The following SMTN variants were observed in gnomAD, a reference collection of about 807,000 sequenced individuals.
SMTN encodes smoothelin.
In SMTN, 58 loss-of-function variants were observed where a neutral mutation model predicts 102.0. The ratio of observed to expected loss-of-function variants is 0.57; its 90% confidence interval spans 0.46 to 0.71. The LOEUF (loss-of-function observed/expected upper bound fraction) is 0.71, where lower values mean the gene tolerates loss of function less well. Ranked by LOEUF, SMTN falls within the 30% of genes least tolerant of loss-of-function variation. SMTN has a pLI of 0.00. For missense variants in SMTN, 1,185 were observed against 1,241.7 expected (o/e 0.95, Z 0.69); for synonymous variants, 478 against 497.9 (o/e 0.96, Z 0.53).
At chr22:31,099,040 G>A (rs756576845) in intron 17 of SMTN, 22 bp from the exon 18 acceptor site, 27 of 1,603,806 alleles carry the variant, frequency 1.7e-5, no homozygotes, top group Non-Finnish European at 2.0e-5. Flanking sequence ...CGTGTGACCT[G>A]GTCCTGACAC....
At chr22:31,092,581 G>C in intron 11 of SMTN, 1 of 469,922 alleles carries the variant, frequency 2.1e-6, no homozygotes, top group Non-Finnish European at 4.4e-6. Context: ...TGGCTGAGGT[G>C]AGATGGCTAG....
chr22:31,095,260 C>T lies in SMTN; in HGVS notation c.1633-43C>T, dbSNP rs1248066309. The T allele has an allele frequency of 6.2e-7, 1 of 1,602,734 alleles. No homozygotes were observed. Among genetic ancestry groups the T allele is most frequent in the Non-Finnish European group, 8.5e-7 (1 of 1,173,172 alleles). ...CCATTGGAGACATGATGAGTTTCAC[C>T]CATACCCCTGCTTAAAGTCCATGCC... On this transcript the variant is annotated intron_variant, in intron 11 of 20. Transcript: ENST00000333137. The surrounding 1 kb of genome is among the most constrained non-coding windows in gnomAD (Gnocchi z 4.1).
rs763678555 is a variant in SMTN at position 31,093,509 on chromosome 22, G to A, written c.1632+1662G>A. The A allele has an allele frequency of 6.4e-5, 43 of 671,056 alleles. 1 individual carries two copies. Among genetic ancestry groups the A allele is most frequent in the Middle Eastern group, 3.7e-4 (1 of 2,732 alleles). 41.6% of individuals were successfully genotyped at this position (671,056 alleles called of 1,614,324 possible). ...GCAGCCCTTGAGGAGCAGTTGGGCC[G>A]GGCACTGGAGGAGCTGCGGGCGGTG... On this transcript the variant is annotated intron_variant, in intron 11 of 20. Transcript: ENST00000333137.
intron 1 of SMTN, among the ~76,000 whole-genome samples, chr22:31,069,834 C>A (rs1258545093): frequency 2.6e-5 from 4 of 152,194 alleles, no homozygotes; most frequent in Non-Finnish European, 5.9e-5. Context: ...GACTTGCTCT[C>A]CTATAATTGC....
Position 31,091,098 on chromosome 22 carries a change from C to T in SMTN, c.1075C>T (p.Leu359=), listed in dbSNP as rs751060252. Residue 359 remains leucine (L), a synonymous_variant, in exon 10 of 21, where the codon CTG becomes TTG. Coordinates refer to ENST00000333137, the MANE Select transcript of SMTN (RefSeq NM_134269.3). The stretch of plus-strand genomic sequence containing the variant: ...CACACCCCAGGCTGCCCTAAGTCCC[C>T]TGACCCCCGCAAGGCTCCTGGGCCC... ...DGTPQAALSP[L]TPARLLGPSL... 5.0e-6 allele frequency: 8 copies of T among 1,613,932 alleles called. No homozygotes were observed. The highest frequency in any genetic ancestry group is 5.9e-6 in the Non-Finnish European group (7 of 1,179,976).
rs760236889 is a variant in SMTN at position 31,083,306 on chromosome 22, G to A, written c.48G>A (p.Lys16=). 6 of 1,566,196 alleles carry A rather than the reference G, an allele frequency of 3.8e-6. No individual in the cohort carries two copies. The South Asian group carries it at 7.1e-5, about 19-fold the overall frequency. Residue 16 remains lysine, a synonymous_variant, in exon 2 of 21, where the codon AAG becomes AAA. Coordinates refer to ENST00000333137, the MANE Select transcript of SMTN (RefSeq NM_134269.3). ...LAGLDEGALR[K]LLEVTADLAE... is the part of the protein sequence containing the mutation. The stretch of plus-strand genomic sequence containing the variant: ...GGCTGGATGAGGGAGCCCTTCGGAA[G>A]CTGGTAAGTGGCCCCATCACCCACT...
In SMTN at chr22:31,101,060, C is replaced by A; in HGVS notation, c.*20+11C>A. The A allele has an allele frequency of 1.9e-6, 3 of 1,583,406 alleles. No homozygotes were observed. In the South Asian group the frequency reaches 3.4e-5, roughly 18 times the overall value. On this transcript the variant is annotated intron_variant, in intron 20 of 20. Coordinates refer to ENST00000333137, the MANE Select transcript of SMTN (RefSeq NM_134269.3). The stretch of plus-strand genomic sequence containing the variant: ...GCTCGGGGCCCCACGGTGAGAAACG[C>A]CGCCTCTACCACCTGCCCCGTTTCA...
At chr22:31,069,241 C>G (rs1368570822) in intron 1 of SMTN, among the ~76,000 whole-genome samples, 2 of 152,070 alleles carry the variant, frequency 1.3e-5, no homozygotes, top group African/African-American at 4.8e-5. Context: ...CTAGGGCGCT[C>G]TCTTCCAGGA....
At chr22:31,081,641 C>T (rs1213208404) in intron 1 of SMTN, among the ~76,000 whole-genome samples, 185 bp downstream of exon 1, 2 of 152,228 alleles carry the variant, frequency 1.3e-5, no homozygotes, top group Non-Finnish European at 2.9e-5. Context: ...TCCTAAGAGA[C>T]TCCACGCCCC....
chr22:31,095,694 C>A lies in SMTN; in HGVS notation c.1861+85C>A. 2 of 1,238,674 alleles carry A rather than the reference C, an allele frequency of 1.6e-6. No homozygotes were observed. Among genetic ancestry groups the A allele is most frequent in the Non-Finnish European group, 2.3e-6 (2 of 877,452 alleles). 76.7% of individuals were successfully genotyped at this position (1,238,674 alleles called of 1,614,324 possible). ...ATACTCTGGGGTCCATTTGTGGACA[C>A]CCCAGCTTAATAACTGCCCTACCCA... On this transcript the variant is annotated intron_variant, in intron 13 of 20. Transcript: ENST00000333137. This position sits in a 1 kb window ranked among gnomAD's most constrained non-coding sequence, Gnocchi z 4.1.
At chr22:31,086,439 C>T (rs1010534994) in intron 2 of SMTN, among the ~76,000 whole-genome samples, 1 of 152,154 alleles carries the variant, frequency 6.6e-6, no homozygotes, top group African/African-American at 2.4e-5. Flanking sequence ...GTAGGGGGCT[C>T]AGCACAGGGT....
In SMTN at chr22:31,095,832, G is replaced by T; in HGVS notation, c.1861+223G>T. The T allele has an allele frequency of 1.7e-6, 1 of 584,766 alleles. No individual in the cohort carries two copies. The highest frequency in any genetic ancestry group is 2.9e-5 in the East Asian group (1 of 34,716). The allele number at this position is 584,766 out of a possible 1,614,324, so 36.2% of individuals were successfully genotyped here. A position where few individuals can be genotyped will look rare whatever the true frequency, so the allele number is the denominator to read the frequency against. On this transcript the variant is annotated intron_variant, in intron 13 of 20. Coordinates refer to ENST00000333137, the MANE Select transcript of SMTN (RefSeq NM_134269.3). This position sits in a 1 kb window ranked among gnomAD's most constrained non-coding sequence, Gnocchi z 4.1. ...TGACCCCAGTTATTCTCCCCAACCAGCTTCTCTTCTCCTTCCTAGACCCAG... is the reference window on the plus strand; with the variant it reads ...TGACCCCAGTTATTCTCCCCAACCATCTTCTCTTCTCCTTCCTAGACCCAG...
At chr22:31,096,700 CT>C in intron 13 of SMTN, 32 bp from the exon 14 acceptor site, 2 of 1,506,092 alleles carry the variant, frequency 1.3e-6, no homozygotes, top group Non-Finnish European at 1.8e-6. Context: ...GTTGGTGGCC[CT>C]TTTGCGCATG....
chr22:31,088,909 C>T lies in SMTN; in HGVS notation c.411C>T (p.Pro137=), dbSNP rs773627243. The stretch of plus-strand genomic sequence containing the variant: ...CTGGGAGGTTGTACAGCGGGCGTCC[C>T]AACAGTGGCTCAAGAGAGGACAGCA... ...TLAGRLYSGR[P]NSGSREDSKG... is the part of the protein sequence containing the mutation. Residue 137 remains proline, a synonymous_variant, in exon 6 of 21, where the codon CCC becomes CCT. Transcript: ENST00000333137. 18 of 1,613,946 alleles carry T rather than the reference C, an allele frequency of 1.1e-5. No individual in the cohort carries two copies. In the South Asian group the frequency reaches 2.0e-4, roughly 18 times the overall value.
Position 31,104,589 on chromosome 22 carries a change from C to G in SMTN, c.*294C>G. On this transcript the variant is annotated 3_prime_UTR_variant, in exon 21 of 21. Coordinates refer to ENST00000333137, the MANE Select transcript of SMTN (RefSeq NM_134269.3). The stretch of plus-strand genomic sequence containing the variant: ...TGCGACACCCTCCCCCCCACATACA[C>G]ACGCAGCGTTTTGATAAATTATTGG... 1.1e-6 allele frequency: 1 copy of G among 931,682 alleles called. No homozygotes were observed. Among genetic ancestry groups the G allele is most frequent in the Non-Finnish European group, 1.7e-6 (1 of 604,700 alleles). 57.7% of individuals were successfully genotyped at this position (931,682 alleles called of 1,614,324 possible). A position where few individuals can be genotyped will look rare whatever the true frequency, so the allele number is the denominator to read the frequency against.
chr22:31,099,666 G>A (rs1363570088), intron 18 of SMTN, 79 bp from the exon 19 acceptor site: 10 of 1,527,512 alleles, frequency 6.5e-6, no homozygotes, highest in Non-Finnish European at 2.7e-6. Context: ...CCCTAGGTCT[G>A]GAATAACAGA....
intron 1 of SMTN, among the ~76,000 whole-genome samples, chr22:31,074,701 G>A (rs1490873055): frequency 1.3e-5 from 2 of 152,166 alleles, no homozygotes; most frequent in African/African-American, 4.8e-5. Flanking sequence ...GGAGGCTGAG[G>A]CAAGAGAATC....
rs780593004 is a variant in SMTN at position 31,091,820 on chromosome 22, C to T, written c.1605C>T (p.Pro535=). ...TCACCAGCTTCAGCCATGCCCCCCC[C>T]AGTAGCCGAGGAGGCTGCAGCATCA... ...THVTSFSHAP[P]SSRGGCSIKM... Residue 535 remains proline (P), a synonymous_variant, in exon 11 of 21, where the codon CCC becomes CCT. Transcript: ENST00000333137. 1 of 1,600,636 alleles carries T rather than the reference C, an allele frequency of 6.2e-7. No homozygotes were observed. Among genetic ancestry groups the T allele is most frequent in the Non-Finnish European group, 8.5e-7 (1 of 1,172,742 alleles).
At chr22:31,094,767 TA>T (rs1357061254) in intron 11 of SMTN, among the ~76,000 whole-genome samples, 1 of 151,266 alleles carries the variant, frequency 6.6e-6, no homozygotes, top group Non-Finnish European at 1.5e-5. Flanking sequence ...CTGCAGCCTC[TA>T]ACTCCTGGGC....
Sources: gnomAD v4.1 joint callset for allele counts (sites outside exome capture counted in the v4.1 genomes callset) on GRCh38, gnomAD v4.1.1 for gene constraint, Gnocchi (gnomAD v3.1) non-coding constraint, MANE v1.5 for transcripts, NCBI Gene and HGNC (gene_info 2026-07-23, HGNC 2026-07-21) for gene names.